The following AMPD2 variants were observed in gnomAD, a reference collection of about 807,000 sequenced individuals.
AMPD2 encodes AMP deaminase 2.
Under a neutral mutation model 91.3 loss-of-function variants are expected in AMPD2, and 52 were observed. That is an observed-to-expected ratio of 0.57 (90% CI 0.46 to 0.72). The LOEUF (loss-of-function observed/expected upper bound fraction) is 0.72, where lower values mean the gene tolerates loss of function less well. AMPD2 is among the 30% of genes least tolerant of loss of function. The probability of loss-of-function intolerance (pLI) is 0.00; values close to 1 mark genes in which losing one functional copy is unlikely to be tolerated. For missense variants in AMPD2, 822 were observed against 1,122.3 expected (o/e 0.73, Z 3.82); for synonymous variants, 455 against 456.4 (o/e 1.00, Z 0.04).
chr1:109,630,575 T>TG, intron 17 of AMPD2, 108 bp from the exon 18 acceptor site: 6 of 132,720 alleles, frequency 4.5e-5, no homozygotes, highest in South Asian at 3.6e-4. Context: ...GTTGGGGGGT[T>TG]GGGGGGATGG....
At chr1:109,630,034 C>A in intron 16 of AMPD2, 118 bp downstream of exon 16, 4 of 1,472,780 alleles carry the variant, frequency 2.7e-6, no homozygotes, top group Non-Finnish European at 3.7e-6. Flanking sequence ...TCTGCCTTCC[C>A]AATGTAACTA....
intron 1 of AMPD2, chr1:109,620,497 C>T: frequency 1.7e-6 from 2 of 1,206,110 alleles, no homozygotes; most frequent in Non-Finnish European, 2.1e-6. Context: ...ACAAGGGGGT[C>T]TCCTGGCCTT....
rs967534585 is a variant in AMPD2 at position 109,631,419 on chromosome 1, C to T, written c.*267C>T. On this transcript the variant is annotated 3_prime_UTR_variant, in exon 19 of 19. Coordinates refer to ENST00000528667, the MANE Select transcript of AMPD2 (RefSeq NM_001368809.2). ...GGCCCTGTCCTGGGATCCTCAGAAG[C>T]CTGACTGTCCTATGGGCTTCTCCAG... The T allele has an allele frequency of 3.7e-6, 2 of 544,442 alleles. No homozygotes were observed. Among genetic ancestry groups the T allele is most frequent in the Non-Finnish European group, 6.6e-6 (2 of 302,834 alleles). The allele number at this position is 544,442 out of a possible 1,614,324, so 33.7% of individuals were successfully genotyped here.
chr1:109,621,850 G>A (rs1650301767), intron 2 of AMPD2, among the ~76,000 whole-genome samples: 1 of 152,242 alleles, frequency 6.6e-6, no homozygotes, highest in African/African-American at 2.4e-5. Context: ...AGTATGGGGT[G>A]TCCTTGGTCA....
At chr1:109,626,948 C>G in intron 7 of AMPD2, 36 bp downstream of exon 7, 1 of 1,593,306 alleles carries the variant, frequency 6.3e-7, no homozygotes, top group Non-Finnish European at 8.6e-7. Flanking sequence ...GCCATGTGCC[C>G]TAGCCTCCTG....
chr1:109,627,550 C>T, intron 9 of AMPD2, 32 bp downstream of exon 9: 1 of 1,610,128 alleles, frequency 6.2e-7, no homozygotes, highest in Non-Finnish European at 8.5e-7. Context: ...ACACTTAGCT[C>T]CCCTCCCAGC....
rs1398966611 is a variant in AMPD2 at position 109,632,028 on chromosome 1, G to A, written c.*876G>A. On this transcript the variant is annotated 3_prime_UTR_variant, in exon 19 of 19. Coordinates refer to ENST00000528667, the MANE Select transcript of AMPD2 (RefSeq NM_001368809.2). ...ATACGAACCATCTTTCCTAGTGCAT[G>A]AGAAATAAAGATTATTTAAGTAATG... 6.5e-6 allele frequency: 1 copy of A among 152,706 alleles called. No homozygotes were observed. The highest frequency in any genetic ancestry group is 1.5e-5 in the Non-Finnish European group (1 of 68,072). The allele number at this position is 152,706 out of a possible 1,614,324, so 9.5% of individuals were successfully genotyped here. A position where few individuals can be genotyped will look rare whatever the true frequency, so the allele number is the denominator to read the frequency against.
chr1:109,621,436 T>TGGGGGGGGG, intron 2 of AMPD2, 170 bp downstream of exon 2: 1 of 122,436 alleles, frequency 8.2e-6, no homozygotes, highest in Non-Finnish European at 1.7e-5. Flanking sequence ...GGGTGAGGGG[T>TGGGGGGGGG]GGTGGGGGGC....
chr1:109,621,862 G>A (rs1304237287), intron 2 of AMPD2, among the ~76,000 whole-genome samples: 1 of 152,234 alleles, frequency 6.6e-6, no homozygotes, highest in Non-Finnish European at 1.5e-5. Flanking sequence ...CCTTGGTCAG[G>A]TCCGTGCAGG....
intron 2 of AMPD2, 64 bp downstream of exon 2, chr1:109,621,330 G>C: frequency 6.4e-7 from 1 of 1,572,098 alleles, no homozygotes; most frequent in African/African-American, 1.4e-5. Context: ...TCTCGCCCAA[G>C]GTGCTGGTCC....
At chr1:109,623,233 TGG>T (rs1650397446) in intron 2 of AMPD2, among the ~76,000 whole-genome samples, 1 of 152,130 alleles carries the variant, frequency 6.6e-6, no homozygotes, top group African/African-American at 2.4e-5. Context: ...ATGGCAGTTG[TGG>T]CTAGGCAGGG....
rs1460639173 is a variant in AMPD2, at chr1:109,628,660, G to C, written c.1425G>C (p.Leu475=). 1.2e-6 allele frequency: 2 copies of C among 1,613,834 alleles called. No individual in the cohort carries two copies. Among genetic ancestry groups the C allele is most frequent in the Admixed American group, 1.7e-5 (1 of 60,000 alleles). Residue 475 remains leucine (L), a synonymous_variant, in exon 13 of 19, where the codon CTG becomes CTC. Coordinates refer to ENST00000528667, the MANE Select transcript of AMPD2 (RefSeq NM_001368809.2). This position sits in a 1 kb window ranked among gnomAD's most constrained non-coding sequence, Gnocchi z 7.1. The stretch of plus-strand genomic sequence containing the variant: ...ATGTCTAGGAGGTGATGTCAGACCT[G>C]GAGGAGAGCAAATACCAGAATGCAG... ...AHIIKEVMSD[L]EESKYQNAEL...
Position 109,620,967 on chromosome 1 carries a change from T to G in AMPD2, c.-209T>G. 6.5e-7 allele frequency: 1 copy of G among 1,536,298 alleles called. No individual in the cohort carries two copies. Among genetic ancestry groups the G allele is most frequent in the Non-Finnish European group, 8.8e-7 (1 of 1,141,280 alleles). On this transcript the variant is annotated 5_prime_UTR_variant, in exon 2 of 19. It removes the in-frame stop codon of an upstream open reading frame in the 5' UTR. Coordinates refer to ENST00000528667, the MANE Select transcript of AMPD2 (RefSeq NM_001368809.2). ...TGGGACTGAGGAGGCAGGGGAGGGATAAGGGGCAGAGATGGAGGCCCCACT... is the reference window on the plus strand; with the variant it reads ...TGGGACTGAGGAGGCAGGGGAGGGAGAAGGGGCAGAGATGGAGGCCCCACT...
chr1:109,628,312 CAG>C lies in AMPD2; in HGVS notation c.1275+36_1275+37del, dbSNP rs1650896107. The C allele has an allele frequency of 6.2e-7, 1 of 1,612,978 alleles. No individual in the cohort carries two copies. Among genetic ancestry groups the C allele is most frequent in the African/African-American group, 1.3e-5 (1 of 75,020 alleles). On this transcript the variant is annotated intron_variant, in intron 11 of 18. Transcript: ENST00000528667. This position sits in a 1 kb window ranked among gnomAD's most constrained non-coding sequence, Gnocchi z 7.1. ...AGTGGCGTGGGCTGTGGGACTGAGT[CAG>C]TCAGGGGACCAGGAGTCACGGGTGA...
chr1:109,627,235 C>T lies in AMPD2; in HGVS notation c.779C>T (p.Thr260Ile), dbSNP rs750469832. The T allele has an allele frequency of 1.2e-6, 2 of 1,613,144 alleles. No homozygotes were observed. Among genetic ancestry groups the T allele is most frequent in the East Asian group, 2.2e-5 (1 of 44,880 alleles). ...QHPYEHCEPS[T>I]MPGDLGLGLR... Reference sequence around the variant, plus strand: ...CCGTATGAGCACTGTGAGCCAAGCACCATGCCTGGGGACCTGGGCTTGGGT... The same window carrying T: ...CCGTATGAGCACTGTGAGCCAAGCATCATGCCTGGGGACCTGGGCTTGGGT... Residue 260 changes from threonine to isoleucine, a missense_variant, in exon 8 of 19, where the codon ACC becomes ATC. Physicochemically the swap from Thr to Ile is moderately conservative, Grantham distance 89. Coordinates refer to ENST00000528667, the MANE Select transcript of AMPD2 (RefSeq NM_001368809.2).
In AMPD2 at chr1:109,630,678, T is replaced by A; in HGVS notation, c.2158-5T>A. 6.2e-7 allele frequency: 1 copy of A among 1,608,592 alleles called. No homozygotes were observed. Among genetic ancestry groups the A allele is most frequent in the Non-Finnish European group, 8.5e-7 (1 of 1,178,290 alleles). On this transcript the variant is annotated splice_polypyrimidine_tract_variant and splice_region_variant and intron_variant, in intron 17 of 18. Coordinates refer to ENST00000528667, the MANE Select transcript of AMPD2 (RefSeq NM_001368809.2). ...CACTCGTCTGAGGGAACCTGGCCCG[T>A]GCAGGAGCCGCTGATGGAGGAGTAC...
intron 2 of AMPD2, among the ~76,000 whole-genome samples, chr1:109,623,488 C>T (rs1201196397): frequency 3.3e-5 from 5 of 152,182 alleles, no homozygotes; most frequent in African/African-American, 1.2e-4. Context: ...GCCTCAGTGA[C>T]TGGCCCCTAC....
chr1:109,626,062 T>G, intron 4 of AMPD2, 98 bp from the exon 5 acceptor site: 1 of 1,351,200 alleles, frequency 7.4e-7, no homozygotes, highest in Non-Finnish European at 1.1e-6. Context: ...GAGGATCACA[T>G]GTGACAACAT....
chr1:109,627,149 T>C lies in AMPD2; in HGVS notation c.719-26T>C, dbSNP rs757787835. 7 of 1,611,542 alleles carry C rather than the reference T, an allele frequency of 4.3e-6. No individual in the cohort carries two copies. The South Asian group carries it at 6.6e-5, about 15-fold the overall frequency. Reference sequence around the variant, plus strand: ...TGGGTGGCTTGGAAGAGCCCTGCTCTGACTTTACCCTCCTCACCCCTGCAG... The same window carrying C: ...TGGGTGGCTTGGAAGAGCCCTGCTCCGACTTTACCCTCCTCACCCCTGCAG... On this transcript the variant is annotated intron_variant, in intron 7 of 18. Transcript: ENST00000528667.
Sources: allele counts gnomAD v4.1 joint callset (sites outside exome capture counted in the v4.1 genomes callset), GRCh38; gene constraint gnomAD v4.1.1; non-coding constraint Gnocchi (gnomAD v3.1); transcripts MANE v1.5; gene names NCBI Gene and HGNC (gene_info 2026-07-23, HGNC 2026-07-21).